GAD2: variants seen among roughly 807,000 people sequenced by gnomAD.
GAD2 encodes 65 kDa glutamic acid decarboxylase.
In GAD2, 22 loss-of-function variants were observed where a neutral mutation model predicts 80.1. The ratio of observed to expected loss-of-function variants is 0.27; its 90% CI spans 0.20 to 0.39. The LOEUF (loss-of-function observed/expected upper bound fraction) is 0.39. Among genes scored for constraint, GAD2 ranks in the 10% least tolerant of loss-of-function variants. The probability of loss-of-function intolerance (pLI) is 1.00; values close to 1 mark genes in which losing one functional copy is unlikely to be tolerated. For missense variants in GAD2, 624 were observed against 738.4 expected (o/e 0.85, Z 1.80); for synonymous variants, 274 against 256.9 (o/e 1.07, Z -0.64).
chr10:26,249,132 G>A (rs904133540), intron 8 of GAD2, among the ~76,000 whole-genome samples: 4 of 152,144 alleles, frequency 2.6e-5, no homozygotes, highest in South Asian at 2.1e-4. Context: ...GTGCTGTCTC[G>A]GCTCACTGCA....
intron 8 of GAD2, among the ~76,000 whole-genome samples, chr10:26,246,732 G>A (rs1387882204): frequency 3.3e-5 from 5 of 152,194 alleles, no homozygotes; most frequent in African/African-American, 7.2e-5. Context: ...AGCACCATAC[G>A]TTGATCCCGG....
At chr10:26,231,025 G>A (rs974511330) in intron 7 of GAD2, among the ~76,000 whole-genome samples, 2 of 152,156 alleles carry the variant, frequency 1.3e-5, no homozygotes, top group Admixed American at 6.5e-5. Context: ...AGGAGGCAAA[G>A]GTTGCAGTGA....
At chr10:26,295,795 G>A (rs1834268191) in intron 15 of GAD2, among the ~76,000 whole-genome samples, 1 of 152,126 alleles carries the variant, frequency 6.6e-6, no homozygotes, top group South Asian at 2.1e-4. Flanking sequence ...GGCCGATATA[G>A]ACTCAAAATT....
chr10:26,223,955 A>C lies in GAD2; in HGVS notation c.589A>C (p.Thr197Pro), dbSNP rs763143772. ...GGTTGGATTAGCAGCAGACTGGCTG[A>C]CATCAACAGCAAATACTAACATGTA... The part of the protein sequence containing the change: ...DMVGLAADWL[T>P]STANTNMFTY... Residue 197 changes from threonine (T) to proline (P), a missense_variant, in exon 5 of 16, where the codon ACA becomes CCA. Physicochemically the swap from Thr to Pro is conservative, Grantham distance 38 (BLOSUM62 -1). Coordinates refer to ENST00000376261, the MANE Select transcript of GAD2 (RefSeq NM_001134366.2). 1.9e-6 allele frequency: 3 copies of C among 1,611,406 alleles called. No individual in the cohort carries two copies. Among genetic ancestry groups the C allele is most frequent in the Non-Finnish European group, 8.5e-7 (1 of 1,178,850 alleles).
At position 26,228,722 on chromosome 10, in the gene GAD2, C is replaced by G. The variant is rs545559190; in HGVS notation, c.725-940C>G. Among the ~76,000 whole-genome samples, 3 of 152,294 alleles carry G rather than the reference C, an allele frequency of 2.0e-5. No individual in the cohort carries two copies. In the South Asian group the frequency reaches 6.2e-4, roughly 32 times the overall value. ...CTGCGCATGCGAGGGATCTAGGTTG[C>G]ATGCTCCTTACGAGAATCCAATTAA... On this transcript the variant is annotated intron_variant, in intron 6 of 15. Transcript: ENST00000376261.
intron 12 of GAD2, among the ~76,000 whole-genome samples, chr10:26,281,393 C>A (rs1845268884): frequency 6.6e-6 from 1 of 152,108 alleles, no homozygotes; most frequent in African/African-American, 2.4e-5. Flanking sequence ...ATGTCACTCT[C>A]CCAAAAAATT....
At chr10:26,247,025 CAAG>C (rs1487055688) in intron 8 of GAD2, among the ~76,000 whole-genome samples, 1 of 152,040 alleles carries the variant, frequency 6.6e-6, no homozygotes, top group Non-Finnish European at 1.5e-5. Context: ...GGATCTCGCG[CAAG>C]AAGGAATTCA....
At chr10:26,270,264 G>C (rs1451355865) in intron 9 of GAD2, among the ~76,000 whole-genome samples, 1 of 152,140 alleles carries the variant, frequency 6.6e-6, no homozygotes, top group African/African-American at 2.4e-5. Context: ...GATTTATGAA[G>C]TTCAGAGGCC....
intron 8 of GAD2, among the ~76,000 whole-genome samples, chr10:26,263,678 G>A (rs1006100193): frequency 7.9e-5 from 12 of 152,172 alleles, no homozygotes; most frequent in Non-Finnish European, 1.3e-4. Flanking sequence ...GCCTAGCACT[G>A]ACTAGTTAAA....
At chr10:26,269,062 T>C in intron 8 of GAD2, 57 bp from the exon 9 acceptor site, 3 of 1,388,208 alleles carry the variant, frequency 2.2e-6, no homozygotes, top group Non-Finnish European at 3.0e-6. Flanking sequence ...CCACTTACGT[T>C]GTAAAGACGA....
chr10:26,273,656 A>G lies in GAD2; in HGVS notation c.1113A>G (p.Leu371=). 1.9e-6 allele frequency: 3 copies of G among 1,613,698 alleles called. No individual in the cohort carries two copies. The highest frequency in any genetic ancestry group is 2.5e-6 in the Non-Finnish European group (3 of 1,179,880). ...MHVDAAWGGG[L]LMSRKHKWKL... ...TTCAGGCAGCTTGGGGTGGGGGATT[A>G]CTGATGTCCCGAAAACACAAGTGGA... The change falls in exon 11 of 16, where the codon TTA becomes TTG. Residue 371 remains leucine (L), a synonymous_variant. Coordinates refer to ENST00000376261, the MANE Select transcript of GAD2 (RefSeq NM_001134366.2).
intron 7 of GAD2, among the ~76,000 whole-genome samples, chr10:26,235,541 A>G (rs958123124): frequency 6.6e-6 from 1 of 152,198 alleles, no homozygotes; most frequent in Non-Finnish European, 1.5e-5. Flanking sequence ...ATAAGACTAA[A>G]TTAAACAACT....
At chr10:26,254,218 G>C (rs1264207599) in intron 8 of GAD2, among the ~76,000 whole-genome samples, 1 of 152,074 alleles carries the variant, frequency 6.6e-6, no homozygotes, top group African/African-American at 2.4e-5. Context: ...TTTATTTTTA[G>C]TGGAGATGGG....
chr10:26,224,677 T>G, intron 6 of GAD2, 26 bp downstream of exon 6: 4 of 1,527,252 alleles, frequency 2.6e-6, no homozygotes, highest in Non-Finnish European at 2.7e-6. Flanking sequence ...ACTTTCTTTG[T>G]GTTTTTTCTT....
intron 15 of GAD2, 66 bp downstream of exon 15, chr10:26,293,057 G>T: frequency 7.7e-7 from 1 of 1,303,852 alleles, no homozygotes; most frequent in South Asian, 1.2e-5. Flanking sequence ...TCTTCTTTAT[G>T]ACATATGCCT....
intron 11 of GAD2, among the ~76,000 whole-genome samples, chr10:26,279,894 A>T (rs1845252748): frequency 6.6e-6 from 1 of 152,238 alleles, no homozygotes; most frequent in Non-Finnish European, 1.5e-5. Context: ...CCTTGCCAGA[A>T]GCTACTACAA....
At chr10:26,289,902 C>G (rs1329021204) in intron 13 of GAD2, among the ~76,000 whole-genome samples, 1 of 150,892 alleles carries the variant, frequency 6.6e-6, no homozygotes, top group Non-Finnish European at 1.5e-5. Flanking sequence ...AAGCGATTCT[C>G]CTACATTCCC....
intron 8 of GAD2, among the ~76,000 whole-genome samples, chr10:26,267,217 T>C (rs1473653606): frequency 6.6e-6 from 1 of 152,182 alleles, no homozygotes; most frequent in Non-Finnish European, 1.5e-5. Flanking sequence ...CAAAAAAAAA[T>C]TTCTAAGAGT....
At chr10:26,282,141 A>G (rs960044083) in intron 12 of GAD2, among the ~76,000 whole-genome samples, 2 of 151,852 alleles carry the variant, frequency 1.3e-5, no homozygotes, top group Non-Finnish European at 2.9e-5. Flanking sequence ...CAGGGTTTTC[A>G]CATGTTGGCC....
Sources: allele counts gnomAD v4.1 joint callset (sites outside exome capture counted in the v4.1 genomes callset), GRCh38; gene constraint gnomAD v4.1.1; transcripts MANE v1.5; gene names NCBI Gene and HGNC (gene_info 2026-07-23, HGNC 2026-07-21).